CEP63: variants seen among roughly 807,000 people sequenced by gnomAD.
CEP63 encodes centrosomal protein of 63 kDa.
A neutral mutation model predicts 89.1 loss-of-function variants in CEP63; 84 were observed. That is an observed-to-expected ratio of 0.94 (90% CI 0.79 to 1.13). The LOEUF is 1.13. CEP63 is among the 50% of genes most tolerant of loss of function. CEP63 has a pLI of 0.00. For synonymous variants in CEP63, 267 were observed against 272.5 expected, an observed-to-expected ratio of 0.98 and a Z score of 0.20; for missense variants, 838 against 813.3, an observed-to-expected ratio of 1.03 and a Z score of -0.37.
chr3:134,581,148 C>T (rs1444949204), intron 10 of CEP63, among the ~76,000 whole-genome samples: 1 of 152,154 alleles, frequency 6.6e-6, no homozygotes, highest in Non-Finnish European at 1.5e-5. Context: ...AAGAACACAG[C>T]CCTGTTAACA....
intron 12 of CEP63, among the ~76,000 whole-genome samples, chr3:134,554,888 A>G (rs1281376799): frequency 6.6e-6 from 1 of 151,790 alleles, no homozygotes; most frequent in Non-Finnish European, 1.5e-5. Context: ...TCTTCTTTTG[A>G]GAAGTGTCTG....
chr3:134,769,077 AAGC>A, the CEP63 span, among the ~76,000 whole-genome samples: 7 of 152,310 alleles, frequency 4.6e-5, no homozygotes, highest in East Asian at 7.7e-4. Context: ...CACAAAGTAG[AAGC>A]GCTTTGGGTG....
At chr3:134,744,620 TC>T in the CEP63 span, among the ~76,000 whole-genome samples, 1 of 152,096 alleles carries the variant, frequency 6.6e-6, no homozygotes, top group Admixed American at 6.5e-5. Flanking sequence ...ACTCATGTAA[TC>T]CCCCTGCCTC....
downstream of CEP63, among the ~76,000 whole-genome samples, chr3:134,579,052 T>C (rs1254705239): frequency 6.6e-6 from 1 of 152,236 alleles, no homozygotes; most frequent in East Asian, 1.9e-4. Flanking sequence ...CCACTGCACC[T>C]GGCCCCCACA....
At chr3:134,670,926 T>C in the CEP63 span, among the ~76,000 whole-genome samples, 1 of 152,336 alleles carries the variant, frequency 6.6e-6, no homozygotes, top group African/African-American at 2.4e-5. Flanking sequence ...AAGGATATTA[T>C]AGTATGACAT....
At chr3:134,647,479 T>C in the CEP63 span, 6 of 1,611,710 alleles carry the variant, frequency 3.7e-6, no homozygotes, top group Admixed American at 1.0e-4. Context: ...TCGGACTCCA[T>C]TTCCAACACC....
the CEP63 span, among the ~76,000 whole-genome samples, chr3:134,598,880 C>T: frequency 2.0e-5 from 3 of 152,214 alleles, no homozygotes; most frequent in Non-Finnish European, 4.4e-5. Flanking sequence ...TTTCAGTTTC[C>T]TTTAGTTCTG....
intron 6 of CEP63, among the ~76,000 whole-genome samples, chr3:134,543,012 C>G (rs1408047822): frequency 6.6e-6 from 1 of 151,082 alleles, no homozygotes; most frequent in African/African-American, 2.4e-5. Flanking sequence ...CAGAAATAAT[C>G]ATTATTTTAG....
At chr3:134,726,379 A>G in the CEP63 span, among the ~76,000 whole-genome samples, 3 of 151,752 alleles carry the variant, frequency 2.0e-5, no homozygotes, top group Non-Finnish European at 4.4e-5. Context: ...CTCCTTGTTT[A>G]CCACTTGACA....
chr3:134,711,766 C>CTTTTTT, the CEP63 span, among the ~76,000 whole-genome samples: 2 of 139,858 alleles, frequency 1.4e-5, no homozygotes, highest in Admixed American at 7.1e-5. Flanking sequence ...CTTTTCTTTT[C>CTTTTTT]TTTTTTTTTT....
At chr3:134,758,971 C>T in the CEP63 span, among the ~76,000 whole-genome samples, 1 of 152,096 alleles carries the variant, frequency 6.6e-6, no homozygotes, top group Non-Finnish European at 1.5e-5. Context: ...CACGAGGGTC[C>T]TTATAAAAGG....
At chr3:134,777,911 G>A in the CEP63 span, among the ~76,000 whole-genome samples, 3 of 151,414 alleles carry the variant, frequency 2.0e-5, no homozygotes, top group Non-Finnish European at 2.9e-5. Context: ...CACCGCGCCC[G>A]GCTTTAGGCT....
At chr3:134,604,873 C>T in the CEP63 span, among the ~76,000 whole-genome samples, 2 of 152,236 alleles carry the variant, frequency 1.3e-5, no homozygotes. Context: ...TCAGGTCTAG[C>T]TTGCACCTTG....
At chr3:134,759,790 G>T in the CEP63 span, among the ~76,000 whole-genome samples, 1 of 152,174 alleles carries the variant, frequency 6.6e-6, no homozygotes, top group East Asian at 1.9e-4. Context: ...AAGAAGAAGA[G>T]TAACAAATAT....
At chr3:134,656,699 A>G in the CEP63 span, among the ~76,000 whole-genome samples, 1 of 152,122 alleles carries the variant, frequency 6.6e-6, no homozygotes, top group Non-Finnish European at 1.5e-5. Context: ...GAAGTGGGGA[A>G]CTGGGCTCAG....
intron 1 of CEP63, among the ~76,000 whole-genome samples, chr3:134,491,390 C>T (rs887709842): frequency 3.3e-5 from 5 of 152,256 alleles, no homozygotes; most frequent in South Asian, 2.1e-4. Flanking sequence ...TTATACCTCT[C>T]GCCCATGTTT....
the CEP63 span, among the ~76,000 whole-genome samples, chr3:134,726,340 C>A: frequency 1.3e-5 from 2 of 152,066 alleles, no homozygotes; most frequent in East Asian, 3.9e-4. Context: ...GGCTTTGGGT[C>A]GGGCTTGACA....
intron 3 of CEP63, among the ~76,000 whole-genome samples, chr3:134,517,771 C>T (rs575741356): frequency 2.0e-5 from 3 of 152,028 alleles, no homozygotes; most frequent in Non-Finnish European, 2.9e-5. Context: ...AATGAAAATA[C>T]AACATCAGAC....
chr3:134,707,036 T>A, the CEP63 span, among the ~76,000 whole-genome samples: 1 of 152,306 alleles, frequency 6.6e-6, no homozygotes, highest in East Asian at 1.9e-4. Context: ...TCCAAAAAAG[T>A]CACAATAACA....
Sources: allele counts gnomAD v4.1 joint callset (sites outside exome capture counted in the v4.1 genomes callset), GRCh38; gene constraint gnomAD v4.1.1; transcripts MANE v1.5; gene names NCBI Gene and HGNC (gene_info 2026-07-23, HGNC 2026-07-21).